Variants in MACROD2 observed in about 807,000 individuals in gnomAD.
MACROD2 encodes the protein mono-ADP ribosylhydrolase 2.
In MACROD2, 36 loss-of-function variants were observed where a neutral mutation model predicts 70.4. That is an observed-to-expected ratio of 0.51 (90% CI 0.39 to 0.68). The LOEUF (loss-of-function observed/expected upper bound fraction) is 0.68, where lower values mean the gene tolerates loss of function less well. MACROD2 is among the 30% of genes least tolerant of loss of function. MACROD2 has a pLI of 0.00. For synonymous variants in MACROD2, 172 were observed against 178.8 expected (o/e 0.96, Z 0.30); for missense variants, 496 against 538.4 (o/e 0.92, Z 0.78).
At chr20:14,210,008 T>C (rs1036223390) in intron 3 of MACROD2, among the ~76,000 whole-genome samples, 1 of 152,242 alleles carries the variant, frequency 6.6e-6, no homozygotes, top group Admixed American at 6.5e-5. Context: ...TAAACTTGCC[T>C]TTCTTCACAG....
At chr20:14,284,901 A>G (rs1291498864) in intron 3 of MACROD2, among the ~76,000 whole-genome samples, 1 of 152,208 alleles carries the variant, frequency 6.6e-6, no homozygotes, top group Non-Finnish European at 1.5e-5. Context: ...ATTATTAGAC[A>G]TTATTATAAC....
At chr20:15,031,953 C>T (rs1168460684) in intron 5 of MACROD2, among the ~76,000 whole-genome samples, 6 of 152,188 alleles carry the variant, frequency 3.9e-5, no homozygotes, top group African/African-American at 1.2e-4. Context: ...TGCCCAGGCC[C>T]GCACCGAGCT....
At chr20:15,316,902 C>T (rs1431190718) in intron 6 of MACROD2, among the ~76,000 whole-genome samples, 3 of 151,988 alleles carry the variant, frequency 2.0e-5, no homozygotes, top group Non-Finnish European at 4.4e-5. Context: ...ACAAAAAATA[C>T]TGGAAAGTCC....
intron 6 of MACROD2, among the ~76,000 whole-genome samples, chr20:15,393,167 C>A (rs1029866611): frequency 1.3e-5 from 2 of 152,040 alleles, no homozygotes; most frequent in African/African-American, 2.4e-5. Context: ...GCAAAAGAAG[C>A]CATGGTCTCT....
chr20:15,591,386 T>C (rs761163176), intron 8 of MACROD2, among the ~76,000 whole-genome samples: 1 of 152,056 alleles, frequency 6.6e-6, no homozygotes, highest in Non-Finnish European at 1.5e-5. Context: ...AGGTATTCCC[T>C]CTGCTCAACT....
intron 5 of MACROD2, chr20:14,757,581 A>G: frequency 9.3e-7 from 1 of 1,074,858 alleles, no homozygotes; most frequent in East Asian, 2.5e-5. Context: ...GCCTAAGAAG[A>G]ACCAGATTGC....
intron 8 of MACROD2, among the ~76,000 whole-genome samples, chr20:15,725,105 A>C (rs2876411): frequency 0.33 from 50,686 of 152,014 alleles, 11,299 homozygotes; most frequent in African/African-American, 0.63. Flanking sequence ...ACAACAACAA[A>C]AAAAAATCTA....
intron 5 of MACROD2, among the ~76,000 whole-genome samples, chr20:14,743,634 A>T (rs1411125047): frequency 6.6e-6 from 1 of 152,206 alleles, no homozygotes; most frequent in East Asian, 1.9e-4. Flanking sequence ...AAATTTGTGT[A>T]GTTTAAGCCA....
chr20:14,859,777 A>G (rs1284017452), intron 5 of MACROD2, among the ~76,000 whole-genome samples: 1 of 152,164 alleles, frequency 6.6e-6, no homozygotes, highest in Non-Finnish European at 1.5e-5. Context: ...AATATCATTT[A>G]TGAGACTGAC....
intron 5 of MACROD2, among the ~76,000 whole-genome samples, chr20:15,129,016 T>C (rs1345478911): frequency 6.6e-6 from 1 of 152,018 alleles, no homozygotes; most frequent in Non-Finnish European, 1.5e-5. Flanking sequence ...TAACCTTCTT[T>C]TTTAGTGTAT....
At chr20:14,752,241 A>T (rs191837132) in intron 5 of MACROD2, among the ~76,000 whole-genome samples, 1 of 152,006 alleles carries the variant, frequency 6.6e-6, no homozygotes, top group East Asian at 1.9e-4. Flanking sequence ...TTCTTCCAAG[A>T]TGTTTCAAAG....
intron 8 of MACROD2, among the ~76,000 whole-genome samples, chr20:15,743,211 C>T (rs1427360340): frequency 6.6e-6 from 1 of 152,046 alleles, no homozygotes; most frequent in Admixed American, 6.6e-5. Context: ...AACATTTCAG[C>T]GGGCAAAGAA....
At chr20:15,609,675 A>G (rs7352130) in intron 8 of MACROD2, among the ~76,000 whole-genome samples, 3 of 152,228 alleles carry the variant, frequency 2.0e-5, no homozygotes, top group African/African-American at 7.2e-5. Flanking sequence ...GAACGACGGG[A>G]GGTATTGAGA....
intron 8 of MACROD2, among the ~76,000 whole-genome samples, chr20:15,569,530 C>T (rs1184619871): frequency 6.6e-6 from 1 of 152,044 alleles, no homozygotes; most frequent in Non-Finnish European, 1.5e-5. Context: ...CTTTGATCAC[C>T]CCTCTAGTCC....
chr20:15,326,418 A>T (rs1301904271), intron 6 of MACROD2, among the ~76,000 whole-genome samples: 1 of 152,122 alleles, frequency 6.6e-6, no homozygotes, highest in Non-Finnish European at 1.5e-5. Context: ...AATATAAAAG[A>T]TGTTTTATCC....
At chr20:14,112,194 G>A (rs2054459756) in intron 3 of MACROD2, among the ~76,000 whole-genome samples, 1 of 151,840 alleles carries the variant, frequency 6.6e-6, no homozygotes, top group Admixed American at 6.6e-5. Context: ...AGAGTAGAAG[G>A]ATGGCTACTA....
At chr20:14,191,513 A>T (rs1246115631) in intron 3 of MACROD2, among the ~76,000 whole-genome samples, 2 of 152,242 alleles carry the variant, frequency 1.3e-5, no homozygotes, top group African/African-American at 4.8e-5. Flanking sequence ...GCCCTCACAG[A>T]ACCTATACCC....
chr20:15,811,807 G>A (rs151149731), intron 8 of MACROD2, among the ~76,000 whole-genome samples: 31 of 152,250 alleles, frequency 2.0e-4, no homozygotes, highest in African/African-American at 6.3e-4. Context: ...GATATAGTAC[G>A]TCAGCTGGTA....
At chr20:15,023,646 G>A (rs2075207156) in intron 5 of MACROD2, among the ~76,000 whole-genome samples, 2 of 152,158 alleles carry the variant, frequency 1.3e-5, no homozygotes, top group African/African-American at 2.4e-5. Flanking sequence ...GCAAGAGGGT[G>A]TGTGCAGGAG....
Sources: allele counts gnomAD v4.1 joint callset (sites outside exome capture counted in the v4.1 genomes callset), GRCh38; gene constraint gnomAD v4.1.1; transcripts MANE v1.5; gene names NCBI Gene and HGNC (gene_info 2026-07-23, HGNC 2026-07-21).